The following TRAPPC9 variants were observed in gnomAD, a reference collection of about 807,000 sequenced individuals.
The protein encoded by TRAPPC9 is trafficking protein particle complex subunit 9, also known as IKK2 binding protein.
TRAPPC9 carries 83 observed loss-of-function variants against 124.0 expected under a neutral mutation model. That is an observed-to-expected ratio of 0.67 (90% confidence interval 0.56 to 0.80). The LOEUF is 0.80. TRAPPC9 is among the 30% of genes least tolerant of loss of function. The pLI is 0.00. For missense variants in TRAPPC9, 1,302 were observed against 1,508.3 expected (o/e 0.86, Z 2.27); for synonymous variants, 638 against 617.5 (o/e 1.03, Z -0.49).
intron 13 of TRAPPC9, among the ~76,000 whole-genome samples, chr8:140,287,052 C>T (rs148410473): frequency 1.3e-3 from 194 of 152,036 alleles, no homozygotes; most frequent in Middle Eastern, 6.8e-3. Context: ...AGCAGAGAGG[C>T]GGTAAAGTAT....
rs1842742707 is a variant in TRAPPC9, at chr8:140,063,450, T to C, written c.2557-39371A>G. 6.6e-6 allele frequency among the ~76,000 whole-genome samples: 1 copy of C among 152,208 alleles called. No individual in the cohort carries two copies. ...TAGAGCTCCTAGTTGATTTAGTGTA[T>C]GTCCCTGTTAGCATGTGGCATTCCA... On this transcript the variant is annotated intron_variant, in intron 17 of 22. Transcript: ENST00000438773. This position sits in a 1 kb window ranked among gnomAD's most constrained non-coding sequence, Gnocchi z 4.3.
intron 17 of TRAPPC9, among the ~76,000 whole-genome samples, chr8:140,114,106 G>A (rs547620186): frequency 6.6e-6 from 1 of 152,142 alleles, no homozygotes; most frequent in African/African-American, 2.4e-5. Context: ...TAGCATAGCT[G>A]GTAGCTGGTC....
chr8:140,254,378 C>T (rs2064199459), intron 15 of TRAPPC9, among the ~76,000 whole-genome samples: 2 of 152,228 alleles, frequency 1.3e-5, no homozygotes, highest in Non-Finnish European at 2.9e-5. Flanking sequence ...CCCGCCTCCC[C>T]CAGCCCCTGG....
intron 19 of TRAPPC9, among the ~76,000 whole-genome samples, chr8:139,912,114 G>A (rs141817444): frequency 2.8e-4 from 42 of 152,110 alleles, no homozygotes; most frequent in African/African-American, 9.2e-4. Context: ...ATAGAAAAAA[G>A]CATAAAAAAG....
intron 19 of TRAPPC9, among the ~76,000 whole-genome samples, chr8:139,972,797 A>C (rs954614746): frequency 2.0e-5 from 3 of 152,220 alleles, no homozygotes; most frequent in African/African-American, 7.2e-5. Context: ...GGAGGATGCA[A>C]AATAAACAAA....
rs143033011 is a variant in TRAPPC9 at position 140,266,069 on chromosome 8, T to A, written c.2278+9589A>T. Among the ~76,000 whole-genome samples, 3 of 152,224 alleles carry A rather than the reference T, an allele frequency of 2.0e-5. No homozygotes were observed. The East Asian group carries it at 5.8e-4, about 29-fold the overall frequency. On this transcript the variant is annotated intron_variant, in intron 15 of 22. Coordinates refer to ENST00000438773, the MANE Select transcript of TRAPPC9 (RefSeq NM_001160372.4). ...GTGAACATTTCTGGAAAAGCTAATA[T>A]AGTCAATGTTTCTTAATTTCAGCTT...
chr8:140,103,191 G>A (rs1045909024), intron 17 of TRAPPC9, among the ~76,000 whole-genome samples: 3 of 152,266 alleles, frequency 2.0e-5, no homozygotes, highest in Admixed American at 6.5e-5. Flanking sequence ...TTACATCAGC[G>A]CTCTCTTCCA....
intron 19 of TRAPPC9, among the ~76,000 whole-genome samples, chr8:139,953,684 G>A (rs1347673134): frequency 1.3e-5 from 2 of 152,152 alleles, no homozygotes; most frequent in African/African-American, 4.8e-5. Context: ...TCTAGAGTAT[G>A]TGACGATCTC....
chr8:140,301,205 T>C (rs1461616110), intron 10 of TRAPPC9, among the ~76,000 whole-genome samples: 2 of 152,190 alleles, frequency 1.3e-5, no homozygotes, highest in Non-Finnish European at 2.9e-5. Flanking sequence ...TCTACTCGCA[T>C]GCAGCAGCAT....
chr8:140,032,173 T>C (rs1174514618), intron 17 of TRAPPC9, among the ~76,000 whole-genome samples: 3 of 152,164 alleles, frequency 2.0e-5, no homozygotes, highest in Non-Finnish European at 2.9e-5. Context: ...CCAGCACCCA[T>C]CACACCTGGA....
At chr8:140,089,855 A>G (rs1844447502) in intron 17 of TRAPPC9, among the ~76,000 whole-genome samples, 1 of 152,140 alleles carries the variant, frequency 6.6e-6, no homozygotes, top group Admixed American at 6.5e-5. Flanking sequence ...CGAGGCGGGC[A>G]TATCACGAGG....
chr8:140,434,442 A>G (rs921898212), intron 4 of TRAPPC9, among the ~76,000 whole-genome samples: 2 of 152,194 alleles, frequency 1.3e-5, no homozygotes, highest in Non-Finnish European at 2.9e-5. Context: ...GAATGTCATC[A>G]GCCAATAAAA....
intron 4 of TRAPPC9, among the ~76,000 whole-genome samples, chr8:140,427,941 C>T (rs1461700814): frequency 6.6e-6 from 1 of 152,138 alleles, no homozygotes; most frequent in Non-Finnish European, 1.5e-5. Context: ...TCAGAGCAAC[C>T]CTACAAAATA....
At chr8:140,213,272 G>T (rs2063109022) in intron 17 of TRAPPC9, among the ~76,000 whole-genome samples, 1 of 151,796 alleles carries the variant, frequency 6.6e-6, no homozygotes, top group African/African-American at 2.4e-5. Flanking sequence ...TGTAAGCATT[G>T]GTATTTTGTG....
chr8:139,967,675 G>A (rs758849686), intron 19 of TRAPPC9, among the ~76,000 whole-genome samples: 9 of 152,218 alleles, frequency 5.9e-5, no homozygotes, highest in Non-Finnish European at 1.2e-4. Flanking sequence ...GCCTGGGCCC[G>A]CCAGGAAGAA....
rs1291296464 is a variant in TRAPPC9, at chr8:139,729,555, C to T, written c.*1506G>A. ...GAGGGCCACTGGACACCCGCCCCCA[C>T]ATGCCCCCAGCCCACACCACATCAC... On this transcript the variant is annotated 3_prime_UTR_variant, in exon 23 of 23. Transcript: ENST00000438773. Among the ~76,000 whole-genome samples the T allele has an allele frequency of 1.3e-5, 2 of 152,246 alleles. No individual in the cohort carries two copies. The highest frequency in any genetic ancestry group is 6.5e-5 in the Admixed American group (1 of 15,288).
chr8:140,048,646 C>G (rs965264696), intron 17 of TRAPPC9, among the ~76,000 whole-genome samples: 7 of 152,166 alleles, frequency 4.6e-5, no homozygotes, highest in Admixed American at 3.9e-4. Context: ...AACACAAATT[C>G]TAACTCTCAA....
At chr8:140,037,766 A>G (rs1317284993) in intron 17 of TRAPPC9, among the ~76,000 whole-genome samples, 1 of 147,176 alleles carries the variant, frequency 6.8e-6, no homozygotes, top group Admixed American at 6.8e-5. Context: ...ACACACACCC[A>G]AAACACACAC....
chr8:140,011,380 ATATATTTAGATG>A, intron 18 of TRAPPC9, among the ~76,000 whole-genome samples: 2 of 151,654 alleles, frequency 1.3e-5, no homozygotes, highest in African/African-American at 2.4e-5. Flanking sequence ...ACAATATTAT[ATATATTTAGATG>A]AATTAAAAAT....
Sources: allele counts gnomAD v4.1 joint callset (sites outside exome capture counted in the v4.1 genomes callset), GRCh38; gene constraint gnomAD v4.1.1; non-coding constraint Gnocchi (gnomAD v3.1); transcripts MANE v1.5; gene names NCBI Gene and HGNC (gene_info 2026-07-23, HGNC 2026-07-21).